Variants in CORIN observed in about 807,000 individuals in gnomAD.
CORIN encodes corin, serine peptidase.
CORIN carries 117 observed loss-of-function variants against 125.3 expected under a neutral mutation model. The ratio of observed to expected loss-of-function variants is 0.93; its 90% CI spans 0.80 to 1.09. CORIN has a LOEUF of 1.09. Among genes scored for constraint, CORIN ranks in the 50% least tolerant of loss-of-function variants. The pLI is 0.00. For synonymous variants in CORIN, 450 were observed against 466.4 expected, an observed-to-expected ratio of 0.96 and a Z score of 0.45; for missense variants, 1,253 against 1,306.7, an observed-to-expected ratio of 0.96 and a Z score of 0.63.
chr4:47,678,153 A>G, intron 8 of CORIN, 99 bp from the exon 9 acceptor site: 1 of 846,586 alleles, frequency 1.2e-6, no homozygotes, highest in Non-Finnish European at 2.0e-6. Context: ...ATCGCTAAGA[A>G]ACAAGGTGTT....
At chr4:47,609,195 CTTACTT>C (rs1310543810) in intron 19 of CORIN, among the ~76,000 whole-genome samples, 5 of 152,046 alleles carry the variant, frequency 3.3e-5, no homozygotes, top group Admixed American at 1.3e-4. Flanking sequence ...TTAGGAATCT[CTTACTT>C]TTAATATTGT....
At chr4:47,599,760 C>T (rs1721379288) in intron 21 of CORIN, among the ~76,000 whole-genome samples, 1 of 152,160 alleles carries the variant, frequency 6.6e-6, no homozygotes, top group South Asian at 2.1e-4. Flanking sequence ...GTAGTCCTGT[C>T]TCACACCCTG....
intron 3 of CORIN, among the ~76,000 whole-genome samples, chr4:47,785,784 T>A (rs1340165875): frequency 6.6e-6 from 1 of 151,742 alleles, no homozygotes; most frequent in East Asian, 1.9e-4. Context: ...TGGTGGCGCA[T>A]GCCTGTAATC....
chr4:47,747,115 G>A (rs973961249), intron 4 of CORIN, among the ~76,000 whole-genome samples: 1 of 151,882 alleles, frequency 6.6e-6, no homozygotes, highest in Admixed American at 6.6e-5. Flanking sequence ...TGATCACCCC[G>A]ATGCCAGCAC....
intron 1 of CORIN, among the ~76,000 whole-genome samples, chr4:47,835,301 G>A (rs1388035664): frequency 1.3e-5 from 2 of 152,188 alleles, no homozygotes; most frequent in Non-Finnish European, 2.9e-5. Context: ...CTAACAGGAT[G>A]CATGAATCCA....
intron 12 of CORIN, among the ~76,000 whole-genome samples, chr4:47,654,796 A>T (rs1723891955): frequency 6.6e-6 from 1 of 152,108 alleles, no homozygotes; most frequent in African/African-American, 2.4e-5. Context: ...GCTTGGAGAC[A>T]GTGGACTTGG....
chr4:47,609,283 C>T (rs139398038), intron 19 of CORIN, among the ~76,000 whole-genome samples: 2,737 of 152,062 alleles, frequency 0.018, 88 homozygotes, highest in African/African-American at 0.062. Context: ...CTTGTCACCC[C>T]GGCTGAAGTG....
chr4:47,691,976 G>A (rs371099745), intron 6 of CORIN, among the ~76,000 whole-genome samples: 117 of 146,294 alleles, frequency 8.0e-4, no homozygotes, highest in East Asian at 6.2e-3. Context: ...CAATTCCCAT[G>A]AGGAGTGAAA....
intron 8 of CORIN, 64 bp from the exon 9 acceptor site, chr4:47,678,118 A>G (rs1420060485): frequency 7.5e-6 from 8 of 1,070,592 alleles, no homozygotes; most frequent in African/African-American, 4.7e-5. Context: ...CTGCACATCA[A>G]ATAAGCAACA....
chr4:47,725,331 C>T (rs572873019), intron 5 of CORIN, among the ~76,000 whole-genome samples: 1 of 151,764 alleles, frequency 6.6e-6, no homozygotes, highest in Admixed American at 6.6e-5. Context: ...AATGTTGAGA[C>T]ATAACACAGT....
At chr4:47,745,085 G>A (rs1278592520) in intron 4 of CORIN, among the ~76,000 whole-genome samples, 1 of 152,144 alleles carries the variant, frequency 6.6e-6, no homozygotes, top group Admixed American at 6.5e-5. Context: ...ACAGATGAGT[G>A]GCAACTTGGA....
chr4:47,698,804 G>A (rs886195550), intron 5 of CORIN, among the ~76,000 whole-genome samples: 19 of 152,150 alleles, frequency 1.2e-4, no homozygotes, highest in African/African-American at 4.6e-4. Flanking sequence ...ATATACAACA[G>A]TGGCCCCATA....
intron 11 of CORIN, 104 bp from the exon 12 acceptor site, chr4:47,661,960 T>C: frequency 1.7e-6 from 2 of 1,147,662 alleles, no homozygotes; most frequent in South Asian, 4.1e-5. Context: ...GTGGCATGTA[T>C]TGTGGGTGTG....
chr4:47,686,582 G>A (rs1395135161), intron 6 of CORIN, among the ~76,000 whole-genome samples: 1 of 152,076 alleles, frequency 6.6e-6, no homozygotes, highest in African/African-American at 2.4e-5. Context: ...GGTAGATCTG[G>A]GGAATTCGTG....
chr4:47,669,812 G>A (rs1365706986), intron 10 of CORIN, among the ~76,000 whole-genome samples: 4 of 152,002 alleles, frequency 2.6e-5, no homozygotes, highest in African/African-American at 7.2e-5. Flanking sequence ...CTTGTGATCT[G>A]CCCGCCTCGG....
rs1346986559 is a variant in CORIN, at chr4:47,733,563, G to A, written c.799+10839C>T. 4.6e-5 allele frequency among the ~76,000 whole-genome samples: 7 copies of A among 152,246 alleles called. No individual in the cohort carries two copies. In the South Asian group the frequency reaches 1.5e-3, roughly 32 times the overall value. ...AATAAATAACTGAAGTTCTTTCATGGCAGAGAGATCTCTTCAGGCCCACAG... is the reference window on the plus strand; with the variant it reads ...AATAAATAACTGAAGTTCTTTCATGACAGAGAGATCTCTTCAGGCCCACAG... On this transcript the variant is annotated intron_variant, in intron 5 of 21. Transcript: ENST00000273857.
chr4:47,620,069 A>G (rs993490790), intron 19 of CORIN, among the ~76,000 whole-genome samples: 1 of 152,184 alleles, frequency 6.6e-6, no homozygotes. Context: ...AACTGGATAT[A>G]CACATTTCCA....
chr4:47,646,699 G>A (rs1174123594), intron 13 of CORIN, among the ~76,000 whole-genome samples: 1 of 152,212 alleles, frequency 6.6e-6, no homozygotes, highest in Non-Finnish European at 1.5e-5. Context: ...CAACATGTGT[G>A]TGTTTTAAGT....
chr4:47,627,025 CCAGGCTGGGGTA>C (rs1668943963), intron 16 of CORIN, among the ~76,000 whole-genome samples: 1 of 151,602 alleles, frequency 6.6e-6, no homozygotes, highest in Non-Finnish European at 1.5e-5. Flanking sequence ...GCTCTGTTGC[CCAGGCTGGGGTA>C]CAGTGGTACA....
Sources: gnomAD v4.1 joint callset for allele counts (sites outside exome capture counted in the v4.1 genomes callset) on GRCh38, gnomAD v4.1.1 for gene constraint, MANE v1.5 for transcripts, NCBI Gene and HGNC (gene_info 2026-07-23, HGNC 2026-07-21) for gene names.